The following MCUR1 variants were observed in gnomAD, a reference collection of about 807,000 sequenced individuals.
The protein encoded by MCUR1 is mitochondrial calcium uniporter regulator 1, also known as MCU regulator 1.
MCUR1 carries 37 observed loss-of-function variants against 42.0 expected under a neutral mutation model. The observed-to-expected ratio is 0.88, with a 90% confidence interval of 0.68 to 1.16. MCUR1 has a LOEUF of 1.16. Ranked by LOEUF, MCUR1 falls within the 50% of genes most tolerant of loss-of-function variation. MCUR1 has a pLI of 0.00. For missense variants in MCUR1, 469 were observed against 468.4 expected, an observed-to-expected ratio of 1.00 and a Z score of -0.01; for synonymous variants, 229 against 196.2, an observed-to-expected ratio of 1.17 and a Z score of -1.40.
chr6:13,800,743 C>A (rs533625730), intron 4 of MCUR1, among the ~76,000 whole-genome samples: 6 of 152,274 alleles, frequency 3.9e-5, no homozygotes, highest in African/African-American at 1.2e-4. Flanking sequence ...AGGTTTCTTA[C>A]AAGGCTAGGG....
rs543598131 is a variant in MCUR1 at position 13,803,185 on chromosome 6, C to T, written c.536-839G>A. Among the ~76,000 whole-genome samples the T allele has an allele frequency of 4.6e-5, 7 of 152,286 alleles. No individual in the cohort carries two copies. The South Asian group carries it at 1.2e-3, about 27-fold the overall frequency. ...CAAGCCATTCTCCTGCCTCAGACTC[C>T]GGAGTAGCTGGAATTACAGGCATGC... On this transcript the variant is annotated intron_variant, in intron 2 of 8. Coordinates refer to ENST00000379170, the MANE Select transcript of MCUR1 (RefSeq NM_001031713.4).
At chr6:13,805,230 C>T (rs1760090677) in intron 2 of MCUR1, among the ~76,000 whole-genome samples, 1 of 151,880 alleles carries the variant, frequency 6.6e-6, no homozygotes, top group Non-Finnish European at 1.5e-5. Context: ...GGGTTCAAGC[C>T]ATCCTCCCAC....
At chr6:13,804,693 G>T (rs1405529482) in intron 2 of MCUR1, among the ~76,000 whole-genome samples, 1 of 151,154 alleles carries the variant, frequency 6.6e-6, no homozygotes, top group Non-Finnish European at 1.5e-5. Flanking sequence ...GGAAGCCTGA[G>T]GCAGGAGAAT....
rs187610039 is a variant in MCUR1, at chr6:13,802,224, A to G, written c.639+19T>C. The G allele has an allele frequency of 3.7e-6, 6 of 1,607,024 alleles. No homozygotes were observed. In the East Asian group the frequency reaches 1.3e-4, roughly 36 times the overall value. On this transcript the variant is annotated intron_variant, in intron 3 of 8. Coordinates refer to ENST00000379170, the MANE Select transcript of MCUR1 (RefSeq NM_001031713.4). ...CATCTTCACAGTCCTAATTTGCTAA[A>G]CCACCCAACAAGGCTAACCTGCTGC...
intron 1 of MCUR1, among the ~76,000 whole-genome samples, chr6:13,808,373 G>A (rs2113477611): frequency 6.6e-6 from 1 of 152,292 alleles, no homozygotes; most frequent in East Asian, 1.9e-4. Flanking sequence ...AGCTGTAAGA[G>A]TTCTTCATAT....
chr6:13,802,130 G>T, intron 3 of MCUR1, 113 bp downstream of exon 3: 1 of 691,654 alleles, frequency 1.4e-6, no homozygotes, highest in Non-Finnish European at 2.4e-6. Context: ...CATGGTAAAA[G>T]TTACTATATA....
intron 1 of MCUR1, among the ~76,000 whole-genome samples, chr6:13,810,981 C>T (rs1169479823): frequency 6.6e-6 from 1 of 152,234 alleles, no homozygotes; most frequent in East Asian, 1.9e-4. Flanking sequence ...ATTCTATTTC[C>T]TGCAATTGCA....
In MCUR1 at chr6:13,786,627, C is replaced by G. The variant is rs534331063; in HGVS notation, c.*4182G>C. On this transcript the variant is annotated 3_prime_UTR_variant, in exon 9 of 9. Transcript: ENST00000379170. ...GTATTAGATTTACTTAGAAATTCAC[C>G]AGTGTTATCATTATACAATTGGCTG... 2.6e-5 allele frequency: 4 copies of G among 152,200 alleles called. No individual in the cohort carries two copies. Among genetic ancestry groups the G allele is most frequent in the African/African-American group, 9.6e-5 (4 of 41,544 alleles). The allele number at this position is 152,200 out of a possible 1,614,324, so 9.4% of individuals were successfully genotyped here.
intron 6 of MCUR1, among the ~76,000 whole-genome samples, chr6:13,798,474 C>T (rs1759906003): frequency 6.6e-6 from 1 of 151,840 alleles, no homozygotes; most frequent in Non-Finnish European, 1.5e-5. Flanking sequence ...TTATTCAAGC[C>T]TGAAATAATC....
intron 1 of MCUR1, among the ~76,000 whole-genome samples, chr6:13,809,563 G>C (rs1638795463): frequency 6.6e-6 from 1 of 151,834 alleles, no homozygotes; most frequent in African/African-American, 2.4e-5. Context: ...ATATGGTACA[G>C]TTGGCTTTTG....
At position 13,789,442 on chromosome 6, in the gene MCUR1, C is replaced by G. The variant is rs886908535; in HGVS notation, c.*1367G>C. On this transcript the variant is annotated 3_prime_UTR_variant, in exon 9 of 9. Coordinates refer to ENST00000379170, the MANE Select transcript of MCUR1 (RefSeq NM_001031713.4). ...GAGAATGTGCTTTTCCAGAATAACC[C>G]CAGTTGTATCTAGAATTTGTTTTCA... is the stretch of plus-strand genomic sequence containing the variant. 2.6e-5 allele frequency: 4 copies of G among 151,802 alleles called. No individual in the cohort carries two copies. Among genetic ancestry groups the G allele is most frequent in the African/African-American group, 9.7e-5 (4 of 41,344 alleles). 9.4% of individuals were successfully genotyped at this position (151,802 alleles called of 1,614,324 possible). A position where few individuals can be genotyped will look rare whatever the true frequency, so the allele number is the denominator to read the frequency against.
At chr6:13,806,073 G>C (rs1322634903) in intron 2 of MCUR1, among the ~76,000 whole-genome samples, 1 of 152,030 alleles carries the variant, frequency 6.6e-6, no homozygotes, top group African/African-American at 2.4e-5. Context: ...GGCCAACATG[G>C]TGAAACCCCA....
rs766061922 is a variant in MCUR1, at chr6:13,793,885, G to A, written c.909+9C>T. On this transcript the variant is annotated intron_variant, in intron 7 of 8. Coordinates refer to ENST00000379170, the MANE Select transcript of MCUR1 (RefSeq NM_001031713.4). ...AAAGACAAAGAAAAATCACAGTCTT[G>A]TTTCTTACCAATGCCACTATTTCTG... is the stretch of plus-strand genomic sequence containing the variant. The A allele has an allele frequency of 1.2e-6, 2 of 1,612,210 alleles. 1 individual carries two copies. The highest frequency in any genetic ancestry group is 2.2e-5 in the South Asian group (2 of 91,062).
chr6:13,802,444 G>A (rs1760011954), intron 2 of MCUR1, 98 bp from the exon 3 acceptor site: 8 of 903,294 alleles, frequency 8.9e-6, no homozygotes, highest in African/African-American at 1.6e-5. Context: ...AGGAGGAAGA[G>A]TACAGCACAG....
In MCUR1 at chr6:13,789,517, A is replaced by C. The variant is rs1479741474; in HGVS notation, c.*1292T>G. Reference sequence around the variant, plus strand: ...TTTGAACAACAGAATTAATCCATCTAGATTAGAATGCTGTGTGGCATGACC... The same window carrying C: ...TTTGAACAACAGAATTAATCCATCTCGATTAGAATGCTGTGTGGCATGACC... On this transcript the variant is annotated 3_prime_UTR_variant, in exon 9 of 9. Coordinates refer to ENST00000379170, the MANE Select transcript of MCUR1 (RefSeq NM_001031713.4). The C allele has an allele frequency of 6.6e-6, 1 of 152,230 alleles. No individual in the cohort carries two copies. The highest frequency in any genetic ancestry group is 6.5e-5 in the Admixed American group (1 of 15,278). 9.4% of individuals were successfully genotyped at this position (152,230 alleles called of 1,614,324 possible). A position where few individuals can be genotyped will look rare whatever the true frequency, so the allele number is the denominator to read the frequency against.
intron 4 of MCUR1, 99 bp from the exon 5 acceptor site, chr6:13,800,481 T>C (rs369832486): frequency 1.2e-5 from 8 of 672,514 alleles, no homozygotes; most frequent in Non-Finnish European, 2.0e-5. Flanking sequence ...TCCTCAGGTT[T>C]TTCCTTCATT....
At chr6:13,799,491 C>A (rs929344848) in intron 5 of MCUR1, among the ~76,000 whole-genome samples, 31 of 152,080 alleles carry the variant, frequency 2.0e-4, no homozygotes, top group African/African-American at 7.2e-4. Context: ...CCTGTTGCTG[C>A]TTTTAACCTC....
chr6:13,808,921 G>T lies in MCUR1; in HGVS notation c.416-1877C>A, dbSNP rs372315026. Reference sequence around the variant, plus strand: ...TAAGTTTGTTTTAAGTTTGACATCAGAAAGTGTTTTTTTTGTTGTTGCTCT... The same window carrying T: ...TAAGTTTGTTTTAAGTTTGACATCATAAAGTGTTTTTTTTGTTGTTGCTCT... On this transcript the variant is annotated intron_variant, in intron 1 of 8. Transcript: ENST00000379170. 6.6e-4 allele frequency among the ~76,000 whole-genome samples: 101 copies of T among 152,254 alleles called. 1 individual carries two copies. The South Asian group carries it at 9.7e-3, about 15-fold the overall frequency.
At chr6:13,807,375 A>G (rs1760134062) in intron 1 of MCUR1, among the ~76,000 whole-genome samples, 1 of 152,118 alleles carries the variant, frequency 6.6e-6, no homozygotes, top group African/African-American at 2.4e-5. Flanking sequence ...TCTTTTGTTT[A>G]CCTACTCTGA....
Sources: allele counts gnomAD v4.1 joint callset (sites outside exome capture counted in the v4.1 genomes callset), GRCh38; gene constraint gnomAD v4.1.1; transcripts MANE v1.5; gene names NCBI Gene and HGNC (gene_info 2026-07-23, HGNC 2026-07-21).